The following RAB3C variants were observed in gnomAD, a reference collection of about 807,000 sequenced individuals.
The protein encoded by RAB3C is ras-related protein Rab-3C.
A neutral mutation model predicts 26.4 loss-of-function variants in RAB3C; 17 were observed. That is an observed-to-expected ratio of 0.64 (90% CI 0.44 to 0.97). The LOEUF is 0.97. Among genes scored for constraint, RAB3C ranks in the 50% least tolerant of loss-of-function variants. RAB3C has a pLI of 0.00. For missense variants in RAB3C, 242 were observed against 281.9 expected (o/e 0.86, Z 1.01); for synonymous variants, 91 against 95.9 (o/e 0.95, Z 0.30).
intron 2 of RAB3C, among the ~76,000 whole-genome samples, chr5:58,677,251 A>G (rs911955172): frequency 4.6e-5 from 7 of 152,190 alleles, no homozygotes; most frequent in African/African-American, 1.7e-4. Flanking sequence ...AATTATATTC[A>G]TAACGACCTC....
At chr5:58,821,389 C>G (rs1162261898) in intron 3 of RAB3C, among the ~76,000 whole-genome samples, 1 of 152,136 alleles carries the variant, frequency 6.6e-6, no homozygotes, top group African/African-American at 2.4e-5. Flanking sequence ...GATGTGAGAT[C>G]CTTTAAAAGA....
At chr5:58,601,209 G>A (rs1302659538) in intron 1 of RAB3C, among the ~76,000 whole-genome samples, 2 of 152,006 alleles carry the variant, frequency 1.3e-5, no homozygotes, top group African/African-American at 4.8e-5. Context: ...TGATCATGGT[G>A]GATTATCTTT....
intron 3 of RAB3C, among the ~76,000 whole-genome samples, chr5:58,745,929 A>C (rs1741393911): frequency 6.6e-6 from 1 of 152,220 alleles, no homozygotes; most frequent in Non-Finnish European, 1.5e-5. Flanking sequence ...CAAATGAATG[A>C]ATGAATGAGG....
Position 58,596,273 on chromosome 5 carries a change from T to G in RAB3C, c.24+13041T>G, listed in dbSNP as rs550101477. On this transcript the variant is annotated intron_variant, in intron 1 of 4. Transcript: ENST00000282878. The stretch of plus-strand genomic sequence containing the variant: ...AGGTTCTGCCAGGCAAGAGTTCTTG[T>G]GAGGTTTTTCAGCAGGCTTAGGATT... Among the ~76,000 whole-genome samples, 3 of 151,966 alleles carry G rather than the reference T, an allele frequency of 2.0e-5. No homozygotes were observed. The South Asian group carries it at 6.2e-4, about 31-fold the overall frequency.
intron 2 of RAB3C, among the ~76,000 whole-genome samples, chr5:58,620,142 A>G (rs992783142): frequency 6.6e-6 from 1 of 151,948 alleles, no homozygotes; most frequent in Admixed American, 6.6e-5. Flanking sequence ...TAGGGCCTCC[A>G]TTCTCCTGCT....
At chr5:58,631,932 A>G (rs6868138) in intron 2 of RAB3C, among the ~76,000 whole-genome samples, 2,147 of 152,320 alleles carry the variant, frequency 0.014, 41 homozygotes, top group African/African-American at 0.049. Context: ...CAAGTTCTGT[A>G]CATGTGGTTT....
intron 2 of RAB3C, among the ~76,000 whole-genome samples, chr5:58,712,178 A>G (rs755229891): frequency 4.6e-5 from 7 of 152,120 alleles, no homozygotes; most frequent in Non-Finnish European, 1.0e-4. Flanking sequence ...CTTACGTCAT[A>G]CTATAAACAC....
chr5:58,729,566 T>C (rs1295287497), intron 3 of RAB3C, among the ~76,000 whole-genome samples: 3 of 151,144 alleles, frequency 2.0e-5, no homozygotes, highest in Non-Finnish European at 2.9e-5. Flanking sequence ...ATCCATATTG[T>C]AGCATGTCAG....
intron 3 of RAB3C, among the ~76,000 whole-genome samples, chr5:58,747,067 C>T (rs1741416485): frequency 6.6e-6 from 1 of 152,154 alleles, no homozygotes; most frequent in Non-Finnish European, 1.5e-5. Flanking sequence ...ACCCTGAATA[C>T]AGACAGCTTT....
chr5:58,635,188 G>C (rs1326251768), intron 2 of RAB3C, among the ~76,000 whole-genome samples: 2 of 152,180 alleles, frequency 1.3e-5, no homozygotes, highest in African/African-American at 4.8e-5. Context: ...AGATGTAAAA[G>C]TTATCAGCTC....
At chr5:58,799,880 T>C (rs1027751358) in intron 3 of RAB3C, among the ~76,000 whole-genome samples, 1 of 152,202 alleles carries the variant, frequency 6.6e-6, no homozygotes, top group African/African-American at 2.4e-5. Context: ...TATACAGTTG[T>C]AGTTACACTG....
At chr5:58,700,136 G>A (rs565638440) in intron 2 of RAB3C, among the ~76,000 whole-genome samples, 1 of 152,286 alleles carries the variant, frequency 6.6e-6, no homozygotes, top group Admixed American at 6.5e-5. Flanking sequence ...TAAATTGAAA[G>A]GTAGACCCCA....
chr5:58,746,952 C>G (rs1741414371), intron 3 of RAB3C, among the ~76,000 whole-genome samples: 2 of 152,160 alleles, frequency 1.3e-5, no homozygotes, highest in Non-Finnish European at 2.9e-5. Flanking sequence ...CCAAAGCTAG[C>G]TAGAAGGCTG....
At chr5:58,707,845 A>AT (rs1748975757) in intron 2 of RAB3C, among the ~76,000 whole-genome samples, 1 of 151,812 alleles carries the variant, frequency 6.6e-6, no homozygotes, top group African/African-American at 2.4e-5. Context: ...TCTTCACTCT[A>AT]TTTTTCCCCC....
intron 2 of RAB3C, among the ~76,000 whole-genome samples, chr5:58,725,271 G>A (rs1740863095): frequency 6.6e-6 from 1 of 151,742 alleles, no homozygotes; most frequent in Admixed American, 6.6e-5. Flanking sequence ...GGCCTTTATG[G>A]TTTTCATTGA....
chr5:58,702,701 A>G (rs1020732859), intron 2 of RAB3C, among the ~76,000 whole-genome samples: 2 of 148,980 alleles, frequency 1.3e-5, no homozygotes, highest in Non-Finnish European at 3.0e-5. Flanking sequence ...TTTTCTTTTT[A>G]TTTCATTCTA....
At chr5:58,716,568 G>T (rs1749177566) in intron 2 of RAB3C, among the ~76,000 whole-genome samples, 1 of 151,806 alleles carries the variant, frequency 6.6e-6, no homozygotes, top group Admixed American at 6.6e-5. Context: ...TAAATAAATG[G>T]CATGATACAT....
chr5:58,678,431 A>G (rs1027483873), intron 2 of RAB3C, among the ~76,000 whole-genome samples: 1 of 152,182 alleles, frequency 6.6e-6, no homozygotes, highest in Admixed American at 6.5e-5. Flanking sequence ...CTGCCTGACC[A>G]TTGGTTAGTG....
intron 3 of RAB3C, among the ~76,000 whole-genome samples, chr5:58,775,925 T>A (rs1742129206): frequency 6.6e-6 from 1 of 152,084 alleles, no homozygotes; most frequent in Non-Finnish European, 1.5e-5. Flanking sequence ...GGTTTTGACA[T>A]TCTATTGCTC....
Sources: allele counts gnomAD v4.1 joint callset (sites outside exome capture counted in the v4.1 genomes callset), GRCh38; gene constraint gnomAD v4.1.1; transcripts MANE v1.5; gene names NCBI Gene and HGNC (gene_info 2026-07-23, HGNC 2026-07-21).